Variants in WDR62 observed in about 807,000 individuals in gnomAD.
WDR62 encodes WD repeat domain 62.
A neutral mutation model predicts 160.6 loss-of-function variants in WDR62; 112 were observed. That is an observed-to-expected ratio of 0.70 (90% confidence interval 0.60 to 0.82). The LOEUF (loss-of-function observed/expected upper bound fraction) is 0.82. WDR62 is among the 40% of genes least tolerant of loss of function. WDR62 has a pLI of 0.00. For synonymous variants in WDR62, 792 were observed against 815.1 expected (o/e 0.97, Z 0.48); for missense variants, 1,819 against 1,983.8 (o/e 0.92, Z 1.58).
intron 7 of WDR62, among the ~76,000 whole-genome samples, chr19:36,068,646 A>G (rs1971077181): frequency 6.6e-6 from 1 of 152,222 alleles, no homozygotes; most frequent in Non-Finnish European, 1.5e-5. Flanking sequence ...TGGACACAGC[A>G]CATGTTTCAG....
chr19:36,103,822 G>T lies in WDR62; in HGVS notation c.3994G>T (p.Val1332Leu). Residue 1332 changes from valine (V) to leucine (L), a missense_variant, in exon 30 of 32, where the codon GTG (valine) becomes TTG (leucine). Physicochemically the swap from Val to Leu is conservative, Grantham distance 32 (BLOSUM62 1). Around this residue, in one of 3 missense-constraint regions of WDR62, gnomAD observed 770 missense variants for 734.2 expected, o/e 1.05. Coordinates refer to ENST00000401500, the MANE Select transcript of WDR62 (RefSeq NM_001083961.2). The stretch of plus-strand genomic sequence containing the variant: ...AGTGAGCTTCCCAGCCCCTAGCCCT[G>T]TGGAAGAGAGCGCCCTGAGGCTCCA... ...PAVSFPAPSP[V>L]EESALRLHGS... The T allele has an allele frequency of 6.2e-7, 1 of 1,607,222 alleles. No homozygotes were observed.
intron 9 of WDR62, among the ~76,000 whole-genome samples, chr19:36,080,115 A>AT (rs57551653): frequency 0.41 from 61,569 of 148,782 alleles, 13,233 homozygotes; most frequent in East Asian, 0.56. Flanking sequence ...TTTTTTTATT[A>AT]TTTTTTTTTT....
rs1273418793 is a variant in WDR62 at position 36,084,735 on chromosome 19, C to A, written c.1633C>A (p.Pro545Thr). Residue 545 changes from proline to threonine, a missense_variant, in exon 12 of 32, where the codon CCA (proline) becomes ACA (threonine). Physicochemically the swap from Pro to Thr is conservative, Grantham distance 38. Transcript: ENST00000401500. ...AEVLCLEYSK[P>T]ETGLTLLASA... Reference sequence around the variant, plus strand: ...GGTGCTGTGCCTGGAGTACTCCAAGCCAGAGACGGGTGAGCCCGCAGCAGG... The same window carrying A: ...GGTGCTGTGCCTGGAGTACTCCAAGACAGAGACGGGTGAGCCCGCAGCAGG... 1 of 1,613,380 alleles carries A rather than the reference C, an allele frequency of 6.2e-7. No homozygotes were observed. Among genetic ancestry groups the A allele is most frequent in the Non-Finnish European group, 8.5e-7 (1 of 1,179,908 alleles).
chr19:36,110,658 C>T, the WDR62 span, among the ~76,000 whole-genome samples: 5 of 152,078 alleles, frequency 3.3e-5, no homozygotes, highest in Admixed American at 3.3e-4. Context: ...AGAGGTGGGG[C>T]ATCCTACCTG....
At chr19:36,095,775 C>A (rs1006471769) in intron 20 of WDR62, among the ~76,000 whole-genome samples, 1 of 152,170 alleles carries the variant, frequency 6.6e-6, no homozygotes. Context: ...GCCTGGGTGA[C>A]AAAGCAAGAC....
At position 36,054,943 on chromosome 19, in the gene WDR62, T is replaced by C; in HGVS notation, c.-29T>C. 1 of 1,562,330 alleles carries C rather than the reference T, an allele frequency of 6.4e-7. No individual in the cohort carries two copies. The highest frequency in any genetic ancestry group is 1.2e-5 in the South Asian group (1 of 86,496). On this transcript the variant is annotated 5_prime_UTR_variant, in exon 1 of 32. An upstream start codon of the reference 5' UTR is lost. Coordinates refer to ENST00000401500, the MANE Select transcript of WDR62 (RefSeq NM_001083961.2). ...GGTGGCGGCAGCGGCGGTTAGGGGA[T>C]GTAACGGTCGCCCGCCTCCGGCGTG...
intron 27 of WDR62, 33 bp downstream of exon 27, chr19:36,102,884 G>A: frequency 6.2e-7 from 1 of 1,614,126 alleles, no homozygotes; most frequent in Non-Finnish European, 8.5e-7. Flanking sequence ...CCACCCTCTG[G>A]CTCCTCAACA....
intron 9 of WDR62, chr19:36,074,966 C>T (rs1022155860): frequency 6.6e-6 from 1 of 152,062 alleles, no homozygotes; most frequent in Admixed American, 6.6e-5. Context: ...TGTTCAACAA[C>T]AGTATCTGTG....
At chr19:36,076,988 T>C (rs1187590632) in intron 9 of WDR62, among the ~76,000 whole-genome samples, 1 of 152,128 alleles carries the variant, frequency 6.6e-6, no homozygotes. Context: ...TATATATATA[T>C]ATAAAATGAT....
downstream of WDR62, among the ~76,000 whole-genome samples, chr19:36,106,257 T>C (rs1161920675): frequency 6.6e-6 from 1 of 151,002 alleles, no homozygotes; most frequent in African/African-American, 2.4e-5. Context: ...TCCCAGCTAC[T>C]CAGGAGGTTG....
intron 9 of WDR62, chr19:36,074,334 T>G (rs1158056428): frequency 6.5e-6 from 1 of 152,760 alleles, no homozygotes. Flanking sequence ...AAGTTTTTAT[T>G]TTCTGAGAAT....
intron 7 of WDR62, among the ~76,000 whole-genome samples, chr19:36,069,596 G>T (rs1415756506): frequency 6.6e-6 from 1 of 152,224 alleles, no homozygotes. Flanking sequence ...GGTGGCGGCC[G>T]GGCAGAGGCT....
rs768046036 is a variant in WDR62 at position 36,073,374 on chromosome 19, A to G, written c.1076A>G (p.Tyr359Cys). ...TTCCACAGGAAGGCGGAAGCAGTCTACCCAGATACAGTGGCACTGACCTTC... is the reference window on the plus strand; with the variant it reads ...TTCCACAGGAAGGCGGAAGCAGTCTGCCCAGATACAGTGGCACTGACCTTC... ...FLFHRKAEAVYPDTVALTFDP... is the reference protein window; with the variant it reads ...FLFHRKAEAVCPDTVALTFDP... Residue 359 changes from tyrosine to cysteine, a missense_variant, in exon 9 of 32, where the codon TAC becomes TGC. By Grantham distance (194) the Tyr-to-Cys change is radical. Coordinates refer to ENST00000401500, the MANE Select transcript of WDR62 (RefSeq NM_001083961.2). 2.5e-6 allele frequency: 4 copies of G among 1,614,068 alleles called. No individual in the cohort carries two copies. The Admixed American group carries it at 5.0e-5, about 20-fold the overall frequency.
At chr19:36,093,991 G>A (rs768442128) in intron 19 of WDR62, 40 bp from the exon 20 acceptor site, 2 of 1,612,294 alleles carry the variant, frequency 1.2e-6, no homozygotes, top group Non-Finnish European at 1.7e-6. Flanking sequence ...CAGCCCATTT[G>A]CCTGTATTCT....
At chr19:36,069,220 C>A (rs1317880834) in intron 7 of WDR62, among the ~76,000 whole-genome samples, 2 of 151,454 alleles carry the variant, frequency 1.3e-5, no homozygotes, top group African/African-American at 4.8e-5. Flanking sequence ...CGGAGACGCT[C>A]CTCACTTCCC....
At chr19:36,090,981 G>C (rs1972565409) in intron 16 of WDR62, among the ~76,000 whole-genome samples, 1 of 152,270 alleles carries the variant, frequency 6.6e-6, no homozygotes, top group Non-Finnish European at 1.5e-5. Context: ...CTCTGGAGGA[G>C]TTCAGTTTGC....
chr19:36,091,113 A>C (rs1391303741), intron 16 of WDR62, 87 bp from the exon 17 acceptor site: 2 of 1,129,990 alleles, frequency 1.8e-6, no homozygotes, highest in Non-Finnish European at 2.6e-6. Flanking sequence ...TGTGCTGTGC[A>C]TGCAGCACGG....
intron 9 of WDR62, among the ~76,000 whole-genome samples, chr19:36,077,762 A>AT (rs1444545346): frequency 6.6e-6 from 1 of 151,232 alleles, no homozygotes; most frequent in Non-Finnish European, 1.5e-5. Flanking sequence ...TGCCTGATGA[A>AT]TTTTTTGTAT....
At position 36,058,094 on chromosome 19, in the gene WDR62, G is replaced by A. The variant is rs1178648177; in HGVS notation, c.178-686G>A. Among the ~76,000 whole-genome samples, 6 of 152,202 alleles carry A rather than the reference G, an allele frequency of 3.9e-5. No individual in the cohort carries two copies. In the South Asian group the frequency reaches 6.2e-4, roughly 16 times the overall value. ...AGGCCGGGCACAGTGGCTCATGCCT[G>A]TAATCCTAGCACTTTGGGAGGCCGA... On this transcript the variant is annotated intron_variant, in intron 1 of 31. Transcript: ENST00000401500.
Sources: allele counts gnomAD v4.1 joint callset (sites outside exome capture counted in the v4.1 genomes callset), GRCh38; gene constraint gnomAD v4.1.1; regional missense constraint gnomAD v4.1.1; transcripts MANE v1.5; gene names NCBI Gene and HGNC (gene_info 2026-07-23, HGNC 2026-07-21).